Variants in CADM2 observed in about 807,000 individuals in gnomAD.
CADM2 encodes the protein cell adhesion molecule 2.
Under a neutral mutation model 49.8 loss-of-function variants are expected in CADM2, and 12 were observed. That is an observed-to-expected ratio of 0.24 (90% CI 0.15 to 0.39). The LOEUF is 0.39. CADM2 is among the 10% of genes least tolerant of loss of function. The pLI is 1.00. For synonymous variants in CADM2, 214 were observed against 175.4 expected, an observed-to-expected ratio of 1.22 and a Z score of -1.74; for missense variants, 378 against 492.3, an observed-to-expected ratio of 0.77 and a Z score of 2.20.
intron 1 of CADM2, among the ~76,000 whole-genome samples, chr3:85,649,964 T>C (rs2064996570): frequency 6.6e-6 from 1 of 152,204 alleles, no homozygotes; most frequent in East Asian, 1.9e-4. Context: ...ATAGCCGTTA[T>C]ATAGGCATCA....
At chr3:85,697,525 A>G (rs1408469480) in intron 1 of CADM2, among the ~76,000 whole-genome samples, 2 of 152,194 alleles carry the variant, frequency 1.3e-5, no homozygotes, top group East Asian at 3.9e-4. Context: ...AAAACAATGA[A>G]TAAAGGTAAA....
chr3:85,126,826 T>A (rs1248198202), intron 1 of CADM2, among the ~76,000 whole-genome samples: 1 of 152,138 alleles, frequency 6.6e-6, no homozygotes, highest in African/African-American at 2.4e-5. Context: ...TTGTTGTTAT[T>A]TTTAGGTGGG....
intron 1 of CADM2, among the ~76,000 whole-genome samples, chr3:85,526,821 A>G (rs2061168252): frequency 6.6e-6 from 1 of 152,176 alleles, no homozygotes; most frequent in African/African-American, 2.4e-5. Context: ...AACTAAAAAT[A>G]CAAGTATTAT....
chr3:85,530,661 A>T (rs1332584867), intron 1 of CADM2, among the ~76,000 whole-genome samples: 1 of 152,004 alleles, frequency 6.6e-6, no homozygotes, highest in Non-Finnish European at 1.5e-5. Flanking sequence ...AGTCTTGGGT[A>T]ATATCTTTAT....
intron 1 of CADM2, among the ~76,000 whole-genome samples, chr3:85,454,096 C>T (rs190763308): frequency 5.9e-5 from 9 of 151,986 alleles, no homozygotes; most frequent in African/African-American, 1.2e-4. Context: ...GGCTCACGCC[C>T]GTAATCCAAG....
chr3:85,546,515 T>C (rs1047779175), intron 1 of CADM2, among the ~76,000 whole-genome samples: 4 of 152,012 alleles, frequency 2.6e-5, no homozygotes, highest in Admixed American at 2.0e-4. Flanking sequence ...CCTAAATATA[T>C]ATATAATATT....
chr3:85,637,242 ATAATT>A (rs2064522188), intron 1 of CADM2, among the ~76,000 whole-genome samples: 1 of 152,212 alleles, frequency 6.6e-6, no homozygotes, highest in Non-Finnish European at 1.5e-5. Flanking sequence ...TTTAATATCA[ATAATT>A]TAATTGAATT....
intron 1 of CADM2, among the ~76,000 whole-genome samples, chr3:85,696,816 C>T (rs2066571322): frequency 6.6e-6 from 1 of 151,776 alleles, no homozygotes; most frequent in Non-Finnish European, 1.5e-5. Flanking sequence ...TATTGGGCTA[C>T]AGTGTCACAT....
intron 1 of CADM2, among the ~76,000 whole-genome samples, chr3:84,984,042 T>TACAC (rs1223225204): frequency 2.0e-5 from 2 of 100,022 alleles, no homozygotes; most frequent in Non-Finnish European, 4.5e-5. Flanking sequence ...GATATATATA[T>TACAC]ATATATACAC....
intron 1 of CADM2, among the ~76,000 whole-genome samples, chr3:85,357,490 G>A (rs1355045884): frequency 6.6e-6 from 1 of 151,992 alleles, no homozygotes; most frequent in Non-Finnish European, 1.5e-5. Flanking sequence ...ATTATAGCTA[G>A]TACTTTAAAT....
intron 1 of CADM2, among the ~76,000 whole-genome samples, chr3:85,263,746 A>G (rs1007810834): frequency 2.0e-5 from 3 of 152,100 alleles, no homozygotes; most frequent in Non-Finnish European, 2.9e-5. Context: ...TCACTGGTCT[A>G]TTTTGCAAAT....
chr3:84,959,292 C>G lies in CADM2; in HGVS notation c.-316C>G. 1 of 495,526 alleles carries G rather than the reference C, an allele frequency of 2.0e-6. No individual in the cohort carries two copies. Among genetic ancestry groups the G allele is most frequent in the Non-Finnish European group, 3.6e-6 (1 of 275,198 alleles). The allele number at this position is 495,526 out of a possible 1,614,324, so 30.7% of individuals were successfully genotyped here. A position where few individuals can be genotyped will look rare whatever the true frequency, so the allele number is the denominator to read the frequency against. The stretch of plus-strand genomic sequence containing the variant: ...CCTGCTCGGGCAGCCCCGGCGGGCT[C>G]TGGGACTTGCTGTGCGCGCCGAGAG... On this transcript the variant is annotated 5_prime_UTR_variant, in exon 1 of 10. Transcript: ENST00000383699.
intron 1 of CADM2, among the ~76,000 whole-genome samples, chr3:85,009,573 A>ATATG (rs1288279441): frequency 6.6e-6 from 1 of 152,130 alleles, no homozygotes; most frequent in African/African-American, 2.4e-5. Flanking sequence ...ATTTTTGAAA[A>ATATG]TATGTAGTTT....
At chr3:85,662,079 C>G (rs2065425971) in intron 1 of CADM2, among the ~76,000 whole-genome samples, 1 of 151,776 alleles carries the variant, frequency 6.6e-6, no homozygotes, top group South Asian at 2.1e-4. Context: ...CTATATGTAC[C>G]AAATTTCTAC....
chr3:85,847,316 T>C (rs1435381200), intron 3 of CADM2, among the ~76,000 whole-genome samples: 3 of 152,336 alleles, frequency 2.0e-5, no homozygotes, highest in Admixed American at 1.3e-4. Context: ...ATTTGGTATC[T>C]GCATGAATCT....
chr3:85,654,969 G>T (rs2066287119), intron 1 of CADM2, among the ~76,000 whole-genome samples: 1 of 152,120 alleles, frequency 6.6e-6, no homozygotes, highest in African/African-American at 2.4e-5. Context: ...GCATTTTATT[G>T]TTGAAAAAAT....
chr3:85,265,988 G>A (rs1024462585), intron 1 of CADM2, among the ~76,000 whole-genome samples: 1 of 151,814 alleles, frequency 6.6e-6, no homozygotes, highest in African/African-American at 2.4e-5. Flanking sequence ...TAGAGCCAAA[G>A]TTGTCAACTT....
chr3:85,228,508 C>T (rs76454800), intron 1 of CADM2, among the ~76,000 whole-genome samples: 8,945 of 151,728 alleles, frequency 0.059, 385 homozygotes, highest in Non-Finnish European at 0.09. Flanking sequence ...TTGGTGTGGA[C>T]GTCCTTTTTG....
intron 1 of CADM2, among the ~76,000 whole-genome samples, chr3:85,387,225 C>T (rs903446403): frequency 1.3e-5 from 2 of 152,116 alleles, no homozygotes; most frequent in South Asian, 2.1e-4. Flanking sequence ...AGTAATTTTT[C>T]CCCCTAAATC....
Sources: gnomAD v4.1 joint callset for allele counts (sites outside exome capture counted in the v4.1 genomes callset) on GRCh38, gnomAD v4.1.1 for gene constraint, MANE v1.5 for transcripts, NCBI Gene and HGNC (gene_info 2026-07-23, HGNC 2026-07-21) for gene names.